Variants in CAMK1D observed in about 807,000 individuals in gnomAD.
The protein encoded by CAMK1D is calcium/calmodulin dependent protein kinase ID, also known as calcium/calmodulin-dependent protein kinase type 1D.
CAMK1D carries 9 observed loss-of-function variants against 47.7 expected under a neutral mutation model. The observed-to-expected ratio is 0.19, with a 90% CI of 0.11 to 0.33. CAMK1D has a LOEUF of 0.33. Ranked by LOEUF, CAMK1D falls within the 10% of genes least tolerant of loss-of-function variation. The pLI is 1.00. For synonymous variants in CAMK1D, 184 were observed against 184.9 expected, an observed-to-expected ratio of 0.99 and a Z score of 0.04; for missense variants, 291 against 488.7, an observed-to-expected ratio of 0.60 and a Z score of 3.81.
intron 2 of CAMK1D, among the ~76,000 whole-genome samples, chr10:12,611,366 G>A (rs561888520): frequency 1.3e-5 from 2 of 152,070 alleles, no homozygotes; most frequent in East Asian, 1.9e-4. Context: ...ACATTCTGAC[G>A]TTCCCGCTCC....
intron 3 of CAMK1D, among the ~76,000 whole-genome samples, chr10:12,703,825 C>T (rs914680350): frequency 6.0e-5 from 9 of 150,808 alleles, no homozygotes; most frequent in East Asian, 1.9e-4. Flanking sequence ...GCCGAGATCA[C>T]GCCACTGCAC....
intron 2 of CAMK1D, among the ~76,000 whole-genome samples, chr10:12,655,092 G>C (rs1840082386): frequency 6.6e-6 from 1 of 152,172 alleles, no homozygotes; most frequent in Admixed American, 6.5e-5. Context: ...CTGAGCCTGG[G>C]TAATTTATAG....
chr10:12,813,458 T>A (rs1832682900), intron 6 of CAMK1D, among the ~76,000 whole-genome samples: 2 of 152,242 alleles, frequency 1.3e-5, no homozygotes, highest in Admixed American at 1.3e-4. Context: ...TTTGTTTGTT[T>A]TCTCCATCAG....
chr10:12,557,257 A>G (rs1588629696), intron 2 of CAMK1D, among the ~76,000 whole-genome samples: 2 of 152,320 alleles, frequency 1.3e-5, no homozygotes, highest in South Asian at 4.1e-4. Flanking sequence ...AGCATGTAAG[A>G]AAAAAGTCCT....
chr10:12,576,594 G>T (rs1378709442), intron 2 of CAMK1D, among the ~76,000 whole-genome samples: 1 of 152,132 alleles, frequency 6.6e-6, no homozygotes, highest in Non-Finnish European at 1.5e-5. Flanking sequence ...GATGGTGACA[G>T]ATCATCAGGC....
At chr10:12,763,327 G>A (rs922331266) in intron 4 of CAMK1D, among the ~76,000 whole-genome samples, 3 of 152,326 alleles carry the variant, frequency 2.0e-5, no homozygotes, top group South Asian at 2.1e-4. Flanking sequence ...GAGGATGATC[G>A]TGTTAATTTA....
In CAMK1D at chr10:12,781,711, G is replaced by C. The variant is rs368959448; in HGVS notation, c.566-9447G>C. Among the ~76,000 whole-genome samples the C allele has an allele frequency of 1.1e-4, 17 of 149,884 alleles. No homozygotes were observed. The South Asian group carries it at 1.9e-3, about 17-fold the overall frequency. On this transcript the variant is annotated intron_variant, in intron 5 of 10. Transcript: ENST00000619168. ...GTGTTGCCCAGGCTGGCGTGCAGTA[G>C]CACGAGCTCAGCTCACTGCAGCCTC... is the stretch of plus-strand genomic sequence containing the variant.
At chr10:12,770,023 G>A (rs964070404) in intron 5 of CAMK1D, among the ~76,000 whole-genome samples, 6 of 152,226 alleles carry the variant, frequency 3.9e-5, no homozygotes, top group African/African-American at 1.4e-4. Context: ...GCACAGTTGG[G>A]TAGAAATCCC....
intron 1 of CAMK1D, among the ~76,000 whole-genome samples, chr10:12,380,800 G>A (rs1342326091): frequency 1.3e-5 from 2 of 152,182 alleles, no homozygotes; most frequent in Non-Finnish European, 2.9e-5. Context: ...AGATTGCAGT[G>A]AGCTGAGATT....
chr10:12,463,726 A>G (rs1283061148), intron 1 of CAMK1D, among the ~76,000 whole-genome samples: 1 of 151,618 alleles, frequency 6.6e-6, no homozygotes, highest in Non-Finnish European at 1.5e-5. Flanking sequence ...GTTAGGCTTT[A>G]TTTCCCCACC....
At chr10:12,590,532 C>G (rs941471224) in intron 2 of CAMK1D, among the ~76,000 whole-genome samples, 1 of 152,176 alleles carries the variant, frequency 6.6e-6, no homozygotes, top group African/African-American at 2.4e-5. Context: ...GGCCCTGGGT[C>G]TCAGTCTTTT....
intron 1 of CAMK1D, among the ~76,000 whole-genome samples, chr10:12,392,017 A>ACACACACACACAC (rs34312096): frequency 3.2e-4 from 47 of 147,324 alleles, no homozygotes; most frequent in African/African-American, 1.1e-3. Context: ...ACACACACAC[A>ACACACACACACAC]AACAGTCTGG....
chr10:12,779,043 G>T (rs1169684637), intron 5 of CAMK1D, among the ~76,000 whole-genome samples: 1 of 152,162 alleles, frequency 6.6e-6, no homozygotes, highest in Non-Finnish European at 1.5e-5. Flanking sequence ...GCTTCTTGGA[G>T]GATCTGGGAG....
chr10:12,413,681 A>G (rs543172673), intron 1 of CAMK1D, among the ~76,000 whole-genome samples: 1 of 71,104 alleles, frequency 1.4e-5, no homozygotes, highest in East Asian at 3.7e-4. Context: ...GTGTTTGTGG[A>G]TATTGAATCT....
intron 1 of CAMK1D, among the ~76,000 whole-genome samples, chr10:12,366,513 G>C (rs1003986326): frequency 6.6e-6 from 1 of 151,626 alleles, no homozygotes. Context: ...AAAAAAATTA[G>C]CCAGGCCTGG....
chr10:12,697,915 C>T (rs982047053), intron 3 of CAMK1D, among the ~76,000 whole-genome samples: 1 of 152,098 alleles, frequency 6.6e-6, no homozygotes, highest in East Asian at 1.9e-4. Context: ...AAGGCGGCCT[C>T]CTGCAGGAAA....
chr10:12,604,347 A>C (rs1239979182), intron 2 of CAMK1D, among the ~76,000 whole-genome samples: 1 of 152,200 alleles, frequency 6.6e-6, no homozygotes, highest in Non-Finnish European at 1.5e-5. Context: ...GAGTGGTACA[A>C]GTGCCAGCGT....
chr10:12,575,132 GC>G (rs1837453556), intron 2 of CAMK1D, among the ~76,000 whole-genome samples: 1 of 151,758 alleles, frequency 6.6e-6, no homozygotes, highest in Non-Finnish European at 1.5e-5. Context: ...TCACTCTGTT[GC>G]CCAGGCTGTA....
At chr10:12,575,988 A>T (rs1327679343) in intron 2 of CAMK1D, among the ~76,000 whole-genome samples, 2 of 152,238 alleles carry the variant, frequency 1.3e-5, no homozygotes, top group African/African-American at 4.8e-5. Flanking sequence ...TTTGTCAGTC[A>T]TGTTACAAGG....
Sources: allele counts gnomAD v4.1 joint callset (sites outside exome capture counted in the v4.1 genomes callset), GRCh38; gene constraint gnomAD v4.1.1; transcripts MANE v1.5; gene names NCBI Gene and HGNC (gene_info 2026-07-23, HGNC 2026-07-21).